PPP4R3A: variants seen among roughly 807,000 people sequenced by gnomAD.
The protein encoded by PPP4R3A is serine/threonine-protein phosphatase 4 regulatory subunit 3A.
Under a neutral mutation model 91.7 loss-of-function variants are expected in PPP4R3A, and 15 were observed. That is an observed-to-expected ratio of 0.16 (90% CI 0.11 to 0.25). PPP4R3A has a LOEUF of 0.25. PPP4R3A is among the 10% of genes least tolerant of loss of function. The probability of loss-of-function intolerance (pLI) is 1.00; values close to 1 mark genes in which losing one functional copy is unlikely to be tolerated. For synonymous variants in PPP4R3A, 377 were observed against 348.7 expected, an observed-to-expected ratio of 1.08 and a Z score of -0.91; for missense variants, 623 against 998.4, an observed-to-expected ratio of 0.62 and a Z score of 5.07.
In PPP4R3A at chr14:91,510,017, GCGCCGCCGCCGCCTCCTCAGGC is replaced by G; in HGVS notation, c.-392_-371del. On this transcript the variant is annotated 5_prime_UTR_variant, in exon 1 of 15. An upstream open reading frame in the 5' UTR loses its in-frame stop. Transcript: ENST00000554943. ...CATGATCTCCGCGAAGCAGCTTCCC[GCGCCGCCGCCGCCTCCTCAGGC>G]CGCCGCCGCCGCCGCCATATTTTCC... 2 of 930,242 alleles carry G rather than the reference GCGCCGCCGCCGCCTCCTCAGGC, an allele frequency of 2.1e-6. No homozygotes were observed. Among genetic ancestry groups the G allele is most frequent in the Non-Finnish European group, 2.6e-6 (2 of 776,352 alleles). The allele number at this position is 930,242 out of a possible 1,614,324, so 57.6% of individuals were successfully genotyped here.
At chr14:91,472,458 G>GTTTTTT (rs76707705) in intron 9 of PPP4R3A, among the ~76,000 whole-genome samples, 20 of 133,188 alleles carry the variant, frequency 1.5e-4, no homozygotes, top group Middle Eastern at 3.9e-3. Context: ...CAGGAAAATT[G>GTTTTTT]TTTTTTTTTT....
intron 7 of PPP4R3A, 177 bp downstream of exon 7, chr14:91,475,634 T>C (rs1458792844): frequency 5.9e-6 from 3 of 511,884 alleles, no homozygotes; most frequent in Non-Finnish European, 1.0e-5. Flanking sequence ...ACATAAATAG[T>C]TGCTGTAGGA....
In PPP4R3A at chr14:91,509,674, GC is replaced by G; in HGVS notation, c.-28del. On this transcript the variant is annotated 5_prime_UTR_variant, in exon 1 of 15. Coordinates refer to ENST00000554943, the MANE Select transcript of PPP4R3A (RefSeq NM_001366432.2). ...GTGCCGCCCGGGAACCGGGGCGGGG[GC>G]CCCGCCAGTAGACGCCCAGGAAAGG... 6.3e-7 allele frequency: 1 copy of G among 1,585,018 alleles called. No individual in the cohort carries two copies. The highest frequency in any genetic ancestry group is 2.3e-5 in the East Asian group (1 of 43,958).
At chr14:91,460,636 C>CTTTT (rs1567143274) in intron 14 of PPP4R3A, among the ~76,000 whole-genome samples, 4 of 98,340 alleles carry the variant, frequency 4.1e-5, no homozygotes, top group East Asian at 3.2e-4. Flanking sequence ...AGATTTTGTT[C>CTTTT]CTTTTTTTTT....
chr14:91,506,318 T>C (rs552087417), intron 1 of PPP4R3A, among the ~76,000 whole-genome samples: 1 of 152,258 alleles, frequency 6.6e-6, no homozygotes, highest in Admixed American at 6.5e-5. Context: ...AAGCAGCAAA[T>C]GCAAGTAGAC....
chr14:91,509,673 G>A lies in PPP4R3A; in HGVS notation c.-26C>T, dbSNP rs767626260. 6 of 1,586,452 alleles carry A rather than the reference G, an allele frequency of 3.8e-6. No individual in the cohort carries two copies. The highest frequency in any genetic ancestry group is 3.3e-5 in the South Asian group (3 of 89,676). ...CGTGCCGCCCGGGAACCGGGGCGGG[G>A]GCCCCGCCAGTAGACGCCCAGGAAA... On this transcript the variant is annotated 5_prime_UTR_variant, in exon 1 of 15. Transcript: ENST00000554943.
rs766599822 is a variant in PPP4R3A, at chr14:91,475,820, T to C, written c.1257A>G (p.Ile419Met). 3.7e-6 allele frequency: 6 copies of C among 1,613,524 alleles called. No individual in the cohort carries two copies. Among genetic ancestry groups the C allele is most frequent in the Non-Finnish European group, 5.1e-6 (6 of 1,179,706 alleles). ...TACAAATAATATTTACCTTGCTGGT[T>C]ATTTTTTGCTCTGTTAACTTCTTAC... is the stretch of plus-strand genomic sequence containing the variant. Reference protein sequence around the residue: ...DVSKKLTEQKITSKDILLINL... With the variant: ...DVSKKLTEQKMTSKDILLINL... Residue 419 changes from isoleucine (I) to methionine (M), a missense_variant, in exon 7 of 15, where the codon ATA becomes ATG. Coordinates refer to ENST00000554943, the MANE Select transcript of PPP4R3A (RefSeq NM_001366432.2).
rs533647655 is a variant in PPP4R3A, at chr14:91,509,889, C to T, written c.-242G>A. ...CGCTATTGTCCAGGCCTGGCGAGCC[C>T]GGCGCCCGGCAGCCCCGAGGGGGCC... is the stretch of plus-strand genomic sequence containing the variant. On this transcript the variant is annotated 5_prime_UTR_variant, in exon 1 of 15. Transcript: ENST00000554943. The T allele has an allele frequency of 2.9e-4, 310 of 1,082,964 alleles. 15 individuals carry two copies. In the East Asian group the frequency reaches 0.018, roughly 63 times the overall value. The allele number at this position is 1,082,964 out of a possible 1,614,324, so 67.1% of individuals were successfully genotyped here. A position where few individuals can be genotyped will look rare whatever the true frequency, so the allele number is the denominator to read the frequency against.
intron 1 of PPP4R3A, among the ~76,000 whole-genome samples, chr14:91,498,204 G>A (rs777609076): frequency 6.6e-6 from 1 of 151,930 alleles, no homozygotes; most frequent in African/African-American, 2.4e-5. Flanking sequence ...GTGTGGTGGT[G>A]CATGCCTGTA....
chr14:91,460,769 C>T (rs1431442547), intron 14 of PPP4R3A, among the ~76,000 whole-genome samples: 3 of 150,940 alleles, frequency 2.0e-5, no homozygotes, highest in African/African-American at 7.3e-5. Context: ...TACAGGCGCC[C>T]GCCACCACGC....
intron 1 of PPP4R3A, among the ~76,000 whole-genome samples, chr14:91,496,944 TAATATCA>T (rs1209220205): frequency 1.8e-5 from 2 of 113,038 alleles, no homozygotes; most frequent in Non-Finnish European, 3.7e-5. Context: ...AGTTCAGTGT[TAATATCA>T]ATTAACACAA....
chr14:91,510,486 GC>G (rs1336951273), upstream of PPP4R3A: 1 of 152,274 alleles, frequency 6.6e-6, no homozygotes, highest in Non-Finnish European at 1.5e-5. Context: ...CGCAGATTGC[GC>G]CGGTGACAGC....
rs1381654931 is a variant in PPP4R3A at position 91,457,654 on chromosome 14, A to ATGTT, written c.*1101_*1104dup. The ATGTT allele has an allele frequency of 6.6e-6, 1 of 152,622 alleles. No individual in the cohort carries two copies. Among genetic ancestry groups the ATGTT allele is most frequent in the African/African-American group, 2.4e-5 (1 of 41,452 alleles). 9.5% of individuals were successfully genotyped at this position (152,622 alleles called of 1,614,324 possible). ...TTTCTTTTTATTATTCAAAAGTCAA[A>ATGTT]TGTTTTTAAATCATCCATCCTCAAT... On this transcript the variant is annotated 3_prime_UTR_variant, in exon 15 of 15. Coordinates refer to ENST00000554943, the MANE Select transcript of PPP4R3A (RefSeq NM_001366432.2).
At chr14:91,493,625 T>A (rs1472128643) in intron 1 of PPP4R3A, among the ~76,000 whole-genome samples, 2 of 93,364 alleles carry the variant, frequency 2.1e-5, no homozygotes, top group Non-Finnish European at 3.9e-5. Context: ...CCATACTATA[T>A]ATTTTTAATA....
chr14:91,501,017 C>G (rs1890912465), intron 1 of PPP4R3A, among the ~76,000 whole-genome samples: 1 of 151,912 alleles, frequency 6.6e-6, no homozygotes, highest in Non-Finnish European at 1.5e-5. Context: ...GGGTGAAAGA[C>G]CAAGACCCTG....
At chr14:91,486,135 T>G (rs1889860602) in intron 2 of PPP4R3A, among the ~76,000 whole-genome samples, 1 of 152,208 alleles carries the variant, frequency 6.6e-6, no homozygotes, top group Non-Finnish European at 1.5e-5. Context: ...TCCTTCTCTC[T>G]TCCCTCTATT....
intron 1 of PPP4R3A, among the ~76,000 whole-genome samples, chr14:91,497,341 T>TAC (rs10542688): frequency 0.037 from 5,477 of 148,420 alleles, 147 homozygotes; most frequent in East Asian, 0.1. Context: ...ATCTTTTATT[T>TAC]ACACACACAC....
intron 1 of PPP4R3A, among the ~76,000 whole-genome samples, chr14:91,501,867 G>C (rs753323953): frequency 1.5e-5 from 2 of 133,944 alleles, no homozygotes; most frequent in Non-Finnish European, 3.2e-5. Flanking sequence ...ACCAAGCCCG[G>C]CTAATTTTTT....
rs746687953 is a variant in PPP4R3A at position 91,461,412 on chromosome 14, T to C, written c.2360A>G (p.Asn787Ser). 12 of 1,612,602 alleles carry C rather than the reference T, an allele frequency of 7.4e-6. No individual in the cohort carries two copies. The South Asian group carries it at 1.1e-4, about 15-fold the overall frequency. Residue 787 changes from asparagine to serine, a missense_variant, in exon 14 of 15, where the codon AAT becomes AGT. Asn to Ser is a conservative substitution (Grantham distance 46, BLOSUM62 1). Transcript: ENST00000554943. ...SPGSPGSVPK[N>S]TSQTAAITTK... is the part of the protein sequence containing the mutation. ...AGTAATAGCTGCCGTCTGAGATGTA[T>C]TTTTAGGTACGGATCCAGGAGAGCC...
Sources: gnomAD v4.1 joint callset for allele counts (sites outside exome capture counted in the v4.1 genomes callset) on GRCh38, gnomAD v4.1.1 for gene constraint, MANE v1.5 for transcripts, NCBI Gene and HGNC (gene_info 2026-07-23, HGNC 2026-07-21) for gene names.